The following RTL4 variants were observed in gnomAD, a reference collection of about 807,000 sequenced individuals.
The protein encoded by RTL4 is retrotransposon Gag-like protein 4.
RTL4 carries 4 observed loss-of-function variants against 5.3 expected under a neutral mutation model. That is an observed-to-expected ratio of 0.75 (90% confidence interval 0.37 to 1.72). The LOEUF (loss-of-function observed/expected upper bound fraction) is 1.72, where lower values mean the gene tolerates loss of function less well. Ranked by LOEUF, RTL4 falls within the 40% of genes most tolerant of loss-of-function variation. The pLI is 0.04. For missense variants in RTL4, 260 were observed against 227.1 expected (o/e 1.14, Z -0.93); for synonymous variants, 98 against 87.3 (o/e 1.12, Z -0.68).
chrX:112,190,202 T>A, the RTL4 span, among the ~76,000 whole-genome samples: 1 of 101,269 alleles, frequency 9.9e-6, no homozygotes, highest in Non-Finnish European at 2.0e-5. Flanking sequence ...CTTTCTTTCT[T>A]TCTTTTTTCT....
chrX:112,358,111 T>C, the RTL4 span, among the ~76,000 whole-genome samples: 1 of 110,497 alleles, frequency 9.1e-6, no homozygotes, highest in Non-Finnish European at 1.9e-5. Context: ...TTTTTACTTA[T>C]TTATTTATTT....
chrX:112,169,055 TC>T, the RTL4 span, among the ~76,000 whole-genome samples: 2 of 37,427 alleles, frequency 5.3e-5, no homozygotes, highest in African/African-American at 1.6e-4. Flanking sequence ...TTTCTTTCTT[TC>T]TTTCTTTCTT....
the RTL4 span, among the ~76,000 whole-genome samples, chrX:112,393,148 TTTTTTTTTTTTTG>T: frequency 2.8e-4 from 18 of 64,975 alleles, no homozygotes; most frequent in Non-Finnish European, 3.8e-4. Flanking sequence ...TCTTTCTTTC[TTTTTTTTTTTTTG>T]TTTTTTTTTT....
the RTL4 span, among the ~76,000 whole-genome samples, chrX:112,264,984 G>A: frequency 8.0e-5 from 9 of 112,366 alleles, no homozygotes; most frequent in South Asian, 3.3e-3. Flanking sequence ...GGCCAGTCTC[G>A]GCTTGGGGGT....
At chrX:112,452,506 A>G (rs1438700342), upstream of RTL4, among the ~76,000 whole-genome samples, 1 of 110,142 alleles carries the variant, frequency 9.1e-6, no homozygotes, top group Non-Finnish European at 1.9e-5. Flanking sequence ...GGGAAGTGGT[A>G]GATGTCTGGA....
the RTL4 span, among the ~76,000 whole-genome samples, chrX:112,352,919 C>T: frequency 1.2e-4 from 13 of 111,445 alleles, no homozygotes; most frequent in Middle Eastern, 4.6e-3. Context: ...AGAAAATTTT[C>T]GCAATCTACT....
chrX:112,362,257 G>C, the RTL4 span, among the ~76,000 whole-genome samples: 1 of 111,905 alleles, frequency 8.9e-6, no homozygotes, highest in African/African-American at 3.2e-5. Flanking sequence ...GCTGGACGTA[G>C]AGCAATGAAC....
chrX:112,325,596 A>G, the RTL4 span, among the ~76,000 whole-genome samples: 2 of 112,382 alleles, frequency 1.8e-5, no homozygotes, highest in East Asian at 5.6e-4. Flanking sequence ...CTGGCTAGCC[A>G]TATATAGGAA....
the RTL4 span, among the ~76,000 whole-genome samples, chrX:112,360,130 T>A: frequency 1.8e-5 from 2 of 111,447 alleles, no homozygotes; most frequent in Non-Finnish European, 3.8e-5. Context: ...CATTTTAGAT[T>A]TCCCATCACT....
At chrX:112,157,175 C>T in the RTL4 span, among the ~76,000 whole-genome samples, 10 of 109,865 alleles carry the variant, frequency 9.1e-5, no homozygotes, top group Non-Finnish European at 1.9e-4. Flanking sequence ...CTCAATTTTT[C>T]ACCAAATATT....
the RTL4 span, among the ~76,000 whole-genome samples, chrX:112,218,641 ACTTTCTAGTT>A: frequency 9.0e-6 from 1 of 111,017 alleles, no homozygotes; most frequent in Non-Finnish European, 1.9e-5. Context: ...TATGATCACC[ACTTTCTAGTT>A]CTTTCTAGTT....
chrX:112,123,314 C>G, the RTL4 span, among the ~76,000 whole-genome samples: 1 of 112,310 alleles, frequency 8.9e-6, no homozygotes, highest in Non-Finnish European at 1.9e-5. Context: ...TATGCAACTA[C>G]AAGTTACACA....
At chrX:112,371,877 G>C in the RTL4 span, among the ~76,000 whole-genome samples, 1 of 111,666 alleles carries the variant, frequency 9.0e-6, no homozygotes, top group South Asian at 3.7e-4. Context: ...ATGTTTTTAA[G>C]CTTCTTCAAT....
chrX:112,130,246 CTTT>C, the RTL4 span, among the ~76,000 whole-genome samples: 1 of 97,901 alleles, frequency 1.0e-5, no homozygotes. Context: ...CTTTTCTTTT[CTTT>C]TTTTTTTTTT....
chrX:112,167,940 T>A, the RTL4 span, among the ~76,000 whole-genome samples: 1 of 111,607 alleles, frequency 9.0e-6, no homozygotes, highest in Non-Finnish European at 1.9e-5. Flanking sequence ...TTCTTTTATC[T>A]ATCTTTGTAT....
chrX:112,248,237 T>TA, the RTL4 span, among the ~76,000 whole-genome samples: 2 of 112,262 alleles, frequency 1.8e-5, no homozygotes. Flanking sequence ...ATAGTCTCTT[T>TA]AAAAAAATCT....
the RTL4 span, among the ~76,000 whole-genome samples, chrX:112,287,801 A>G: frequency 5.4e-5 from 6 of 111,991 alleles, no homozygotes; most frequent in Non-Finnish European, 1.1e-4. Flanking sequence ...AACACCTATG[A>G]GAGAAAATGG....
the RTL4 span, among the ~76,000 whole-genome samples, chrX:112,179,234 A>G: frequency 4.5e-5 from 5 of 111,280 alleles, no homozygotes; most frequent in South Asian, 7.6e-4. Context: ...AAGTAAGGCT[A>G]TACAACCTGA....
chrX:112,316,110 T>C, the RTL4 span, among the ~76,000 whole-genome samples: 3 of 111,957 alleles, frequency 2.7e-5, no homozygotes, highest in African/African-American at 9.7e-5. Context: ...CCCTCCGCAT[T>C]ATCCAAATTT....
Sources: allele counts gnomAD v4.1 joint callset (sites outside exome capture counted in the v4.1 genomes callset), GRCh38; gene constraint gnomAD v4.1.1; transcripts MANE v1.5; gene names NCBI Gene and HGNC (gene_info 2026-07-23, HGNC 2026-07-21).